HMGA2: variants seen among roughly 807,000 people sequenced by gnomAD.
The protein encoded by HMGA2 is high mobility group protein HMGI-C.
A neutral mutation model predicts 19.1 loss-of-function variants in HMGA2; 8 were observed. That is an observed-to-expected ratio of 0.42 (90% CI 0.25 to 0.76). The LOEUF is 0.76. Among genes scored for constraint, HMGA2 ranks in the 30% least tolerant of loss-of-function variants. HMGA2 has a pLI of 0.28. For synonymous variants in HMGA2, 60 were observed against 48.8 expected (o/e 1.23, Z -0.96); for missense variants, 109 against 136.3 (o/e 0.80, Z 1.00).
At chr12:65,864,409 A>G (rs984970864) in intron 3 of HMGA2, among the ~76,000 whole-genome samples, 1 of 152,230 alleles carries the variant, frequency 6.6e-6, no homozygotes, top group African/African-American at 2.4e-5. Context: ...AAAATTACAT[A>G]GCCAGAAACA....
intron 3 of HMGA2, among the ~76,000 whole-genome samples, chr12:65,849,824 T>A (rs1304028619): frequency 6.7e-6 from 1 of 149,534 alleles, no homozygotes; most frequent in Non-Finnish European, 1.5e-5. Context: ...GTTCAGGCGA[T>A]TCTTAAGCCA....
chr12:65,937,539 C>T (rs1875938852), intron 3 of HMGA2, among the ~76,000 whole-genome samples: 1 of 152,180 alleles, frequency 6.6e-6, no homozygotes. Flanking sequence ...TCTGGAATTC[C>T]TTTTGGACAT....
intron 1 of HMGA2, chr12:65,826,608 G>A (rs1055740908): frequency 2.6e-5 from 4 of 151,872 alleles, no homozygotes; most frequent in African/African-American, 9.7e-5. Flanking sequence ...GTACCTTTTT[G>A]AAATCATCAA....
intron 3 of HMGA2, among the ~76,000 whole-genome samples, chr12:65,865,260 G>A (rs1872333221): frequency 6.6e-6 from 1 of 152,150 alleles, no homozygotes; most frequent in South Asian, 2.1e-4. Context: ...AAGTTTTGTG[G>A]AGTCAAAAGT....
intron 4 of HMGA2, chr12:65,952,388 G>A (rs772483545): frequency 2.2e-5 from 33 of 1,534,660 alleles, no homozygotes; most frequent in Middle Eastern, 3.3e-4. Context: ...AGGACCACCC[G>A]GGCAATCTTA....
chr12:65,933,497 T>C (rs1413384751), intron 3 of HMGA2, among the ~76,000 whole-genome samples: 1 of 152,242 alleles, frequency 6.6e-6, no homozygotes, highest in Non-Finnish European at 1.5e-5. Context: ...GCAAAATAGA[T>C]TGCATTTCTT....
Position 65,865,166 on chromosome 12 carries a change from A to G in HMGA2, c.249+26597A>G, listed in dbSNP as rs1872327022. ...TACATGTAGTTTGTAAGGATGCAGT[A>G]TATAATAATATCACATACAAAATAT... is the stretch of plus-strand genomic sequence containing the variant. On this transcript the variant is annotated intron_variant, in intron 3 of 4. Transcript: ENST00000403681. 4.6e-5 allele frequency among the ~76,000 whole-genome samples: 7 copies of G among 152,338 alleles called. No individual in the cohort carries two copies. The South Asian group carries it at 1.2e-3, about 27-fold the overall frequency.
intron 2 of HMGA2, among the ~76,000 whole-genome samples, chr12:65,833,867 T>G (rs1352307653): frequency 1.3e-5 from 2 of 152,170 alleles, no homozygotes; most frequent in Non-Finnish European, 2.9e-5. Context: ...AAAGTCACTT[T>G]GGAAACTAAG....
intron 4 of HMGA2, among the ~76,000 whole-genome samples, chr12:65,961,307 G>A (rs1215241152): frequency 6.6e-6 from 1 of 152,150 alleles, no homozygotes; most frequent in Non-Finnish European, 1.5e-5. Context: ...GAAAGGACAG[G>A]GTCACAGGGC....
At position 65,951,376 on chromosome 12, in the gene HMGA2, T is replaced by G; in HGVS notation, c.250-7T>G. The G allele has an allele frequency of 6.6e-7, 1 of 1,511,916 alleles. No individual in the cohort carries two copies. The allele number at this position is 1,511,916 out of a possible 1,614,324, so 93.7% of individuals were successfully genotyped here. Reference sequence around the variant, plus strand: ...TTTAAAATATATCTTTTTCTTTTCCTCCTTAGCCACAACAAGTTGTTCAGA... The same window carrying G: ...TTTAAAATATATCTTTTTCTTTTCCGCCTTAGCCACAACAAGTTGTTCAGA... On this transcript the variant is annotated splice_region_variant and splice_polypyrimidine_tract_variant and intron_variant, in intron 3 of 4. Coordinates refer to ENST00000403681, the MANE Select transcript of HMGA2 (RefSeq NM_003483.6).
At chr12:65,962,431 G>T (rs1009981536) in intron 4 of HMGA2, among the ~76,000 whole-genome samples, 1 of 152,196 alleles carries the variant, frequency 6.6e-6, no homozygotes, top group African/African-American at 2.4e-5. Flanking sequence ...ATATATATTA[G>T]ATTTTCTCTG....
chr12:65,923,367 TA>T (rs1875389251), intron 3 of HMGA2, among the ~76,000 whole-genome samples: 1 of 152,286 alleles, frequency 6.6e-6, no homozygotes, highest in East Asian at 1.9e-4. Context: ...GACTGGGGGT[TA>T]GGGGAGAGAA....
rs951810531 is a variant in HMGA2, at chr12:65,964,536, C to T, written c.*1244C>T. On this transcript the variant is annotated 3_prime_UTR_variant, in exon 5 of 5. Transcript: ENST00000403681. ...TTTAGCCAGAGATGCAATATATCCC[C>T]ACTACTCAATACTACCTCTGAATGT... 1 of 218,480 alleles carries T rather than the reference C, an allele frequency of 4.6e-6. No homozygotes were observed. Among genetic ancestry groups the T allele is most frequent in the Non-Finnish European group, 9.2e-6 (1 of 108,576 alleles). 13.5% of individuals were successfully genotyped at this position (218,480 alleles called of 1,614,324 possible). A position where few individuals can be genotyped will look rare whatever the true frequency, so the allele number is the denominator to read the frequency against.
chr12:65,842,571 T>C, intron 3 of HMGA2: 1 of 1,498,420 alleles, frequency 6.7e-7, no homozygotes, highest in Non-Finnish European at 9.0e-7. Flanking sequence ...AAGAACATTT[T>C]AATTCTCTTT....
In HMGA2 at chr12:65,966,057, T is replaced by G. The variant is rs1816471892; in HGVS notation, c.*2765T>G. On this transcript the variant is annotated 3_prime_UTR_variant, in exon 5 of 5. Transcript: ENST00000403681. ...AAAGTATCAAGACGTTTAACTGCAG[T>G]TGACTTTCTCCCTGTTCCTTTGAGT... 4.5e-6 allele frequency: 1 copy of G among 220,144 alleles called. No homozygotes were observed. Among genetic ancestry groups the G allele is most frequent in the South Asian group, 1.8e-4 (1 of 5,422 alleles). 13.6% of individuals were successfully genotyped at this position (220,144 alleles called of 1,614,324 possible). A position where few individuals can be genotyped will look rare whatever the true frequency, so the allele number is the denominator to read the frequency against.
intron 4 of HMGA2, among the ~76,000 whole-genome samples, chr12:65,962,534 G>A (rs1350917235): frequency 6.6e-6 from 1 of 152,168 alleles, no homozygotes; most frequent in African/African-American, 2.4e-5. Flanking sequence ...CTCAAAATGT[G>A]CTTTAATAAA....
chr12:65,952,396 T>C, intron 4 of HMGA2: 3 of 1,534,958 alleles, frequency 2.0e-6, no homozygotes, highest in Non-Finnish European at 2.6e-6. Context: ...CCGGGCAATC[T>C]TATATATCTA....
chr12:65,903,435 A>G (rs187146633), intron 3 of HMGA2, among the ~76,000 whole-genome samples: 1 of 152,234 alleles, frequency 6.6e-6, no homozygotes, highest in Admixed American at 6.5e-5. Flanking sequence ...GGAGAAATGC[A>G]TAGGCTCACA....
At position 65,963,495 on chromosome 12, in the gene HMGA2, T is replaced by A. The variant is rs550106211; in HGVS notation, c.*203T>A. On this transcript the variant is annotated 3_prime_UTR_variant, in exon 5 of 5. Coordinates refer to ENST00000403681, the MANE Select transcript of HMGA2 (RefSeq NM_003483.6). ...ACTATATTAATCACCTTCTTTGTAA[T>A]CCCTTCACAGTCCCAGGTTTAGTGA... The A allele has an allele frequency of 3.4e-6, 2 of 593,252 alleles. No homozygotes were observed. The highest frequency in any genetic ancestry group is 6.0e-6 in the Non-Finnish European group (2 of 335,218). 36.7% of individuals were successfully genotyped at this position (593,252 alleles called of 1,614,324 possible). A position where few individuals can be genotyped will look rare whatever the true frequency, so the allele number is the denominator to read the frequency against.
Sources: allele counts gnomAD v4.1 joint callset (sites outside exome capture counted in the v4.1 genomes callset), GRCh38; gene constraint gnomAD v4.1.1; transcripts MANE v1.5; gene names NCBI Gene and HGNC (gene_info 2026-07-23, HGNC 2026-07-21).